The following MAU2 variants were observed in gnomAD, a reference collection of about 807,000 sequenced individuals.
MAU2 encodes MAU2 sister chromatid cohesion factor.
A neutral mutation model predicts 89.1 loss-of-function variants in MAU2; 9 were observed. That is an observed-to-expected ratio of 0.10 (90% CI 0.06 to 0.18). The LOEUF (loss-of-function observed/expected upper bound fraction) is 0.18, where lower values mean the gene tolerates loss of function less well. Among genes scored for constraint, MAU2 ranks in the 10% least tolerant of loss-of-function variants. The pLI is 1.00. For missense variants in MAU2, 425 were observed against 803.5 expected (o/e 0.53, Z 5.69); for synonymous variants, 357 against 343.4 (o/e 1.04, Z -0.44).
intron 3 of MAU2, 97 bp downstream of exon 3, chr19:19,336,284 C>G (rs1049167893): frequency 2.2e-6 from 2 of 922,408 alleles, no homozygotes; most frequent in African/African-American, 3.3e-5. Flanking sequence ...AGTTGGAATC[C>G]CTCCGGCTTT....
At chr19:19,355,060 A>G in intron 17 of MAU2, 1 of 608,788 alleles carries the variant, frequency 1.6e-6, no homozygotes, top group Non-Finnish European at 2.8e-6. Flanking sequence ...TTCACTGCCC[A>G]GCCAGCCCTG....
At chr19:19,331,964 G>T (rs888158843) in intron 1 of MAU2, among the ~76,000 whole-genome samples, 20 of 152,176 alleles carry the variant, frequency 1.3e-4, no homozygotes, top group Non-Finnish European at 2.9e-5. Context: ...TGCCATTTAG[G>T]GCTTTGTGTC....
chr19:19,358,164 A>T lies in MAU2; in HGVS notation c.*2382A>T, dbSNP rs930069319. On this transcript the variant is annotated 3_prime_UTR_variant, in exon 19 of 19. Coordinates refer to ENST00000262815, the MANE Select transcript of MAU2 (RefSeq NM_015329.4). ...GTGTCCTGTAGCTAAGTGTCTAGGA[A>T]AAAACAAAAACTCCAAACCCTTCAG... 5.9e-5 allele frequency: 9 copies of T among 152,212 alleles called. No homozygotes were observed. Among genetic ancestry groups the T allele is most frequent in the Non-Finnish European group, 1.0e-4 (7 of 68,054 alleles). 9.4% of individuals were successfully genotyped at this position (152,212 alleles called of 1,614,324 possible). A position where few individuals can be genotyped will look rare whatever the true frequency, so the allele number is the denominator to read the frequency against.
At chr19:19,348,980 C>G in intron 14 of MAU2, 42 bp downstream of exon 14, 2 of 1,604,882 alleles carry the variant, frequency 1.2e-6, no homozygotes, top group Non-Finnish European at 8.5e-7. Context: ...GCCTAGGCTC[C>G]CCGTGCTCTT....
In MAU2 at chr19:19,342,540, G is replaced by A; in HGVS notation, c.741G>A (p.Lys247=). Residue 247 remains lysine (K), a synonymous_variant, in exon 8 of 19, where the codon AAG becomes AAA. Coordinates refer to ENST00000262815, the MANE Select transcript of MAU2 (RefSeq NM_015329.4). ...VTHYLDAGQV[K]SVKPCLKQLQ... ...CGGGTGTGGGTGCTGCACAGGTGAA[G>A]AGCGTGAAGCCGTGTCTGAAGCAGC... 1 of 1,585,164 alleles carries A rather than the reference G, an allele frequency of 6.3e-7. No individual in the cohort carries two copies. Among genetic ancestry groups the A allele is most frequent in the South Asian group, 1.2e-5 (1 of 85,602 alleles).
chr19:19,339,419 C>T (rs562301581), intron 5 of MAU2, among the ~76,000 whole-genome samples: 29 of 152,058 alleles, frequency 1.9e-4, no homozygotes, highest in Non-Finnish European at 3.2e-4. Flanking sequence ...TGTACTCCAG[C>T]CTGGCGACAG....
chr19:19,345,274 G>A lies in MAU2; in HGVS notation c.1156-30G>A, dbSNP rs199982797. On this transcript the variant is annotated intron_variant, in intron 11 of 18. Transcript: ENST00000262815. This position sits in a 1 kb window ranked among gnomAD's most constrained non-coding sequence, Gnocchi z 4.9. ...GATCTGAGCCCCCTCCCCAGGGGCC[G>A]GCCCTGATGACAACACCACCTTCTT... The A allele has an allele frequency of 7.7e-5, 123 of 1,605,552 alleles. No homozygotes were observed. In the South Asian group the frequency reaches 1.0e-3, roughly 13 times the overall value.
chr19:19,335,104 GT>G (rs2061586040), intron 1 of MAU2, among the ~76,000 whole-genome samples: 1 of 152,202 alleles, frequency 6.6e-6, no homozygotes, highest in Non-Finnish European at 1.5e-5. Flanking sequence ...GTTGGAGCCT[GT>G]TGTCTGAACT....
Position 19,345,770 on chromosome 19 carries a change from C to T in MAU2, c.1221+401C>T, listed in dbSNP as rs2061688311. Among the ~76,000 whole-genome samples the T allele has an allele frequency of 1.3e-5, 2 of 152,282 alleles. No homozygotes were observed. The highest frequency in any genetic ancestry group is 3.4e-3 in the Middle Eastern group (1 of 294). On this transcript the variant is annotated intron_variant, in intron 12 of 18. Transcript: ENST00000262815. The surrounding 1 kb of genome is among the most constrained non-coding windows in gnomAD (Gnocchi z 4.9). ...GTGGAGCTGGGCCATCTCCCAGGTG[C>T]TCTTTGGACAGAGGAGGACTCTTGG...
chr19:19,322,106 T>C (rs1214003778), intron 1 of MAU2, among the ~76,000 whole-genome samples: 1 of 151,930 alleles, frequency 6.6e-6, no homozygotes, highest in Non-Finnish European at 1.5e-5. Context: ...CAGGCCATTC[T>C]CCTGCCTCAG....
At chr19:19,347,556 A>C in intron 13 of MAU2, 190 bp downstream of exon 13, 1 of 573,558 alleles carries the variant, frequency 1.7e-6, no homozygotes, top group Non-Finnish European at 3.1e-6. Flanking sequence ...GGGGGAGGCC[A>C]GGTCTGGGAC....
chr19:19,357,971 T>C lies in MAU2; in HGVS notation c.*2189T>C. The C allele has an allele frequency of 6.6e-6, 1 of 150,882 alleles. No homozygotes were observed. Among genetic ancestry groups the C allele is most frequent in the East Asian group, 2.0e-4 (1 of 5,106 alleles). 9.3% of individuals were successfully genotyped at this position (150,882 alleles called of 1,614,324 possible). A position where few individuals can be genotyped will look rare whatever the true frequency, so the allele number is the denominator to read the frequency against. On this transcript the variant is annotated 3_prime_UTR_variant, in exon 19 of 19. Coordinates refer to ENST00000262815, the MANE Select transcript of MAU2 (RefSeq NM_015329.4). The stretch of plus-strand genomic sequence containing the variant: ...GGTGGCGCATGCCTGTAGTCCCAGC[T>C]AACTGGGAGGCTGAGGCAGGAGGAT...
chr19:19,341,277 A>G lies in MAU2; in HGVS notation c.605A>G (p.Gln202Arg). 1 of 1,612,352 alleles carries G rather than the reference A, an allele frequency of 6.2e-7. No homozygotes were observed. The highest frequency in any genetic ancestry group is 8.5e-7 in the Non-Finnish European group (1 of 1,179,980). The change falls in exon 7 of 19, where the codon CAG (glutamine) becomes CGG (arginine). Residue 202 changes from glutamine to arginine, a missense_variant. Gln to Arg is a conservative substitution (Grantham distance 43, BLOSUM62 1). Coordinates refer to ENST00000262815, the MANE Select transcript of MAU2 (RefSeq NM_015329.4). ...CTGCTGCTGATGGAGCGAAAGCTGC[A>G]GGAGGTGCACCCGCTGCTGACCCTC... Reference protein sequence around the residue: ...GMLLLMERKLQEVHPLLTLCG... With the variant: ...GMLLLMERKLREVHPLLTLCG...
chr19:19,329,243 A>G (rs1467322957), intron 1 of MAU2, among the ~76,000 whole-genome samples: 1 of 149,048 alleles, frequency 6.7e-6, no homozygotes, highest in Non-Finnish European at 1.5e-5. Flanking sequence ...AGACTTGTGC[A>G]GAGCTGGCCG....
intron 1 of MAU2, among the ~76,000 whole-genome samples, chr19:19,324,513 G>A (rs2061488681): frequency 6.6e-6 from 1 of 152,170 alleles, no homozygotes; most frequent in South Asian, 2.1e-4. Context: ...TTGTCTCCCA[G>A]GGCTGTTCAG....
At chr19:19,326,421 T>C (rs1599888404) in intron 1 of MAU2, among the ~76,000 whole-genome samples, 1 of 151,550 alleles carries the variant, frequency 6.6e-6, no homozygotes, top group East Asian at 1.9e-4. Flanking sequence ...GCGCGGTGGC[T>C]CACGCCTGTA....
At chr19:19,346,321 C>T (rs757655914) in intron 12 of MAU2, among the ~76,000 whole-genome samples, 16 of 152,128 alleles carry the variant, frequency 1.1e-4, no homozygotes, top group African/African-American at 2.4e-5. Context: ...ATCTCCGTCT[C>T]CGTCTCACTC....
intron 6 of MAU2, 24 bp from the exon 7 acceptor site, chr19:19,341,228 A>G (rs778613275): frequency 1.7e-5 from 27 of 1,605,348 alleles, no homozygotes; most frequent in Non-Finnish European, 2.3e-5. Context: ...CCTGTACCCT[A>G]CACCTGCGCC....
Position 19,354,390 on chromosome 19 carries a change from C to T in MAU2, c.1584C>T (p.Leu528=), listed in dbSNP as rs368722872. 5.6e-6 allele frequency: 9 copies of T among 1,613,912 alleles called. No homozygotes were observed. In the East Asian group the frequency reaches 6.7e-5, roughly 12 times the overall value. ...SNNMVVPAMQ[L]ASKIPDMSVQ... ...ACATGGTGGTGCCTGCCATGCAGCTCGCCAGCAAGATCCCGGACATGTCGG... is the reference window on the plus strand; with the variant it reads ...ACATGGTGGTGCCTGCCATGCAGCTTGCCAGCAAGATCCCGGACATGTCGG... The change falls in exon 17 of 19, where the codon CTC becomes CTT. Residue 528 remains leucine (L), a synonymous_variant. Coordinates refer to ENST00000262815, the MANE Select transcript of MAU2 (RefSeq NM_015329.4).
Sources: gnomAD v4.1 joint callset for allele counts (sites outside exome capture counted in the v4.1 genomes callset) on GRCh38, gnomAD v4.1.1 for gene constraint, Gnocchi (gnomAD v3.1) non-coding constraint, MANE v1.5 for transcripts, NCBI Gene and HGNC (gene_info 2026-07-23, HGNC 2026-07-21) for gene names.